Variants in ACD observed in about 807,000 individuals in gnomAD.
ACD encodes the protein ACD shelterin complex subunit and telomerase recruitment factor.
ACD carries 39 observed loss-of-function variants against 53.9 expected under a neutral mutation model. That is an observed-to-expected ratio of 0.72 (90% CI 0.56 to 0.95). The LOEUF (loss-of-function observed/expected upper bound fraction) is 0.95, where lower values mean the gene tolerates loss of function less well. ACD is among the 40% of genes least tolerant of loss of function. The pLI, the probability that ACD is intolerant of heterozygous loss-of-function variation, is 0.00. For missense variants in ACD, 526 were observed against 587.9 expected, an observed-to-expected ratio of 0.89 and a Z score of 1.09; for synonymous variants, 273 against 249.2, an observed-to-expected ratio of 1.10 and a Z score of -0.90.
Position 67,660,214 on chromosome 16 carries a change from C to G in ACD, c.7G>C (p.Gly3Arg), listed in dbSNP as rs1173301703. Reference sequence around the variant, plus strand: ...GGCCGTAGGACCAGCCTCCCCGAACCTGCCATCCCCACGGCTACACCCAGC... The same window carrying G: ...GGCCGTAGGACCAGCCTCCCCGAACGTGCCATCCCCACGGCTACACCCAGC... MA[G>R]SGRLVLRPWI... Residue 3 changes from glycine to arginine, a missense_variant, in exon 1 of 12, where the codon GGT becomes CGT. By Grantham distance (125) the Gly-to-Arg change is moderately radical. Coordinates refer to ENST00000620761, the MANE Select transcript of ACD (RefSeq NM_001082486.2). 1 of 1,612,614 alleles carries G rather than the reference C, an allele frequency of 6.2e-7. No individual in the cohort carries two copies. Among genetic ancestry groups the G allele is most frequent in the Non-Finnish European group, 8.5e-7 (1 of 1,179,924 alleles).
At position 67,657,818 on chromosome 16, in the gene ACD, G is replaced by A; in HGVS notation, c.1242C>T (p.Phe414=). 1 of 1,614,108 alleles carries A rather than the reference G, an allele frequency of 6.2e-7. No homozygotes were observed. The highest frequency in any genetic ancestry group is 1.3e-5 in the African/African-American group (1 of 75,040). The change falls in exon 11 of 12, where the codon TTC becomes TTT. Residue 414 remains phenylalanine (F), a synonymous_variant. Transcript: ENST00000620761. The surrounding 1 kb of genome is among the most constrained non-coding windows in gnomAD (Gnocchi z 4.5). Reference sequence around the variant, plus strand: ...TGCAGGGTGGCTCATACTCATACTGGAAGGCAGAACCATCACGATGCCTCT... The same window carrying A: ...TGCAGGGTGGCTCATACTCATACTGAAAGGCAGAACCATCACGATGCCTCT... ...PPKRHRDGSA[F]QYEYEPPCTS...
At chr16:67,659,185 T>G in intron 6 of ACD, 44 bp downstream of exon 6, 1 of 1,613,508 alleles carries the variant, frequency 6.2e-7, no homozygotes, top group Non-Finnish European at 8.5e-7. Context: ...GCTGGAGAGA[T>G]CACTGCACAG....
rs775602659 is a variant in ACD at position 67,659,600 on chromosome 16, T to A, written c.350A>T (p.Tyr117Phe). The A allele has an allele frequency of 5.0e-6, 8 of 1,613,346 alleles. No individual in the cohort carries two copies. Among genetic ancestry groups the A allele is most frequent in the Non-Finnish European group, 6.8e-6 (8 of 1,179,950 alleles). ...VAEGGAPAEFYLQVDRFSLLP... is the reference protein window; with the variant it reads ...VAEGGAPAEFFLQVDRFSLLP... Reference sequence around the variant, plus strand: ...CAGGCTGAAGCGGTCCACCTGGAGATAGAACTCTGCGGGCTGGAGGAGTTC... The same window carrying A: ...CAGGCTGAAGCGGTCCACCTGGAGAAAGAACTCTGCGGGCTGGAGGAGTTC... The change falls in exon 4 of 12, where the codon TAT becomes TTT. Residue 117 changes from tyrosine to phenylalanine, a missense_variant. Coordinates refer to ENST00000620761, the MANE Select transcript of ACD (RefSeq NM_001082486.2).
Position 67,659,096 on chromosome 16 carries a change from A to T in ACD, c.494-17T>A. 6.2e-7 allele frequency: 1 copy of T among 1,613,166 alleles called. No homozygotes were observed. Among genetic ancestry groups the T allele is most frequent in the Non-Finnish European group, 8.5e-7 (1 of 1,179,366 alleles). ...GTGATAGGCCTGGGGACAGGGGACC[A>T]TGGGATGAGTCAAGGCTTAAAGGGG... On this transcript the variant is annotated splice_polypyrimidine_tract_variant and intron_variant, in intron 6 of 11. Transcript: ENST00000620761.
At position 67,658,610 on chromosome 16, in the gene ACD, C is replaced by T. The variant is rs1401652244; in HGVS notation, c.774G>A (p.Leu258=). 1.3e-6 allele frequency: 2 copies of T among 1,576,356 alleles called. No individual in the cohort carries two copies. Among genetic ancestry groups the T allele is most frequent in the Non-Finnish European group, 1.7e-6 (2 of 1,160,024 alleles). Reference sequence around the variant, plus strand: ...CTATGAGGGTCAGAGATAGGTCCTGCAGAGCCGGGTCTGGTGGGGGCAGCT... The same window carrying T: ...CTATGAGGGTCAGAGATAGGTCCTGTAGAGCCGGGTCTGGTGGGGGCAGCT... ...GPELPPPDPA[L]QDLSLTLIAS... Residue 258 remains leucine, a synonymous_variant, in exon 9 of 12, where the codon CTG becomes CTA. Coordinates refer to ENST00000620761, the MANE Select transcript of ACD (RefSeq NM_001082486.2).
Position 67,659,808 on chromosome 16 carries a change from G to C in ACD, c.243-13C>G. The C allele has an allele frequency of 6.2e-7, 1 of 1,600,002 alleles. No homozygotes were observed. The highest frequency in any genetic ancestry group is 1.7e-5 in the Admixed American group (1 of 59,632). On this transcript the variant is annotated splice_polypyrimidine_tract_variant and intron_variant, in intron 2 of 11. Coordinates refer to ENST00000620761, the MANE Select transcript of ACD (RefSeq NM_001082486.2). ...CTCCTTCTCCTCCCTGCAACAAGCA[G>C]GATCCTCACTGCCGGGCCCACCTGA...
rs375973362 is a variant in ACD at position 67,659,280 on chromosome 16, G to T, written c.459-17C>A. 1 of 1,614,138 alleles carries T rather than the reference G, an allele frequency of 6.2e-7. No homozygotes were observed. The highest frequency in any genetic ancestry group is 8.5e-7 in the Non-Finnish European group (1 of 1,180,014). ...AGGTGCTCCCTACAGGAAGAGAGTG[G>T]CCAGGACTCAGGAACCATGCTGAGG... is the stretch of plus-strand genomic sequence containing the variant. On this transcript the variant is annotated splice_polypyrimidine_tract_variant and intron_variant, in intron 5 of 11. Transcript: ENST00000620761.
At chr16:67,659,320 T>C in intron 5 of ACD, 55 bp downstream of exon 5, 1 of 1,614,052 alleles carries the variant, frequency 6.2e-7, no homozygotes, top group Non-Finnish European at 8.5e-7. Context: ...TCTACCTAGA[T>C]ACACCATCCC....
Position 67,658,307 on chromosome 16 carries a change from G to T in ACD, c.885C>A (p.Ser295Arg). 1 of 1,613,882 alleles carries T rather than the reference G, an allele frequency of 6.2e-7. No individual in the cohort carries two copies. Among genetic ancestry groups the T allele is most frequent in the Non-Finnish European group, 8.5e-7 (1 of 1,180,022 alleles). ...CAGCCAAGGACAGGGCAGGCAGAAGGCTGATGCTGGTACCACTTTCCTCGG... is the reference window on the plus strand; with the variant it reads ...CAGCCAAGGACAGGGCAGGCAGAAGTCTGATGCTGGTACCACTTTCCTCGG... ...MSSEESGTSISLLPALSLAAP... is the reference protein window; with the variant it reads ...MSSEESGTSIRLLPALSLAAP... The change falls in exon 10 of 12, where the codon AGC (serine) becomes AGA (arginine). Residue 295 changes from serine to arginine, a missense_variant. Coordinates refer to ENST00000620761, the MANE Select transcript of ACD (RefSeq NM_001082486.2).
rs59443695 is a variant in ACD, at chr16:67,659,099, G to A, written c.494-20C>T. On this transcript the variant is annotated intron_variant, in intron 6 of 11. Coordinates refer to ENST00000620761, the MANE Select transcript of ACD (RefSeq NM_001082486.2). The stretch of plus-strand genomic sequence containing the variant: ...ATAGGCCTGGGGACAGGGGACCATG[G>A]GATGAGTCAAGGCTTAAAGGGGAGG... 6,375 of 1,612,986 alleles carry A rather than the reference G, an allele frequency of 4.0e-3. 242 individuals carry two copies. The Admixed American group carries it at 0.069, about 18-fold the overall frequency.
Position 67,658,021 on chromosome 16 carries a change from C to G in ACD, c.1171G>C (p.Ala391Pro), listed in dbSNP as rs1441134706. The change falls in exon 10 of 12, where the codon GCT becomes CCT. Residue 391 changes from alanine to proline, a missense_variant. By Grantham distance (27) the Ala-to-Pro change is conservative (BLOSUM62 -1). Transcript: ENST00000620761. Reference sequence around the variant, plus strand: ...CAGGGCTCCTGGGCTCCCCTGGTAGCTCCGGTCCTGGGAAAAGGCGGCCGA... The same window carrying G: ...CAGGGCTCCTGGGCTCCCCTGGTAGGTCCGGTCCTGGGAAAAGGCGGCCGA... ...KNRPPFPRTG[A>P]TRGAQEPCSV... 1 of 1,548,940 alleles carries G rather than the reference C, an allele frequency of 6.5e-7. No individual in the cohort carries two copies. Among genetic ancestry groups the G allele is most frequent in the Non-Finnish European group, 8.7e-7 (1 of 1,148,580 alleles).
In ACD at chr16:67,659,060, A is replaced by G; in HGVS notation, c.513T>C (p.Leu171=). The stretch of plus-strand genomic sequence containing the variant: ...CCTGGTCCTCCCGCATTTCATCCAG[A>G]AGCTGGGACAGTGATAGGCCTGGGG... The part of the protein sequence containing the change: ...SSNAGLSLSQ[L]LDEMREDQEH... The change falls in exon 7 of 12, where the codon CTT becomes CTC. Residue 171 remains leucine (L), a synonymous_variant. Transcript: ENST00000620761. The G allele has an allele frequency of 1.2e-6, 2 of 1,613,900 alleles. No homozygotes were observed. The highest frequency in any genetic ancestry group is 2.2e-5 in the South Asian group (2 of 91,088).
At chr16:67,658,383 T>G (rs2052919291) in intron 9 of ACD, 21 bp from the exon 10 acceptor site, 2 of 1,613,066 alleles carry the variant, frequency 1.2e-6, no homozygotes, top group African/African-American at 1.3e-5. Flanking sequence ...GGGGACTTAT[T>G]GTAGGCACAG....
Position 67,657,632 on chromosome 16 carries a change from G to T in ACD, c.1351C>A (p.Pro451Thr). The change falls in exon 12 of 12, where the codon CCA becomes ACA. Residue 451 changes from proline to threonine, a missense_variant. Transcript: ENST00000620761. This position sits in a 1 kb window ranked among gnomAD's most constrained non-coding sequence, Gnocchi z 4.5. The part of the protein sequence containing the change: ...WALHFLMDAQ[P>T]GSEPTPM ...CACATCGGAGTTGGCTCAGACCCTG[G>T]CTGTGCATCCATCAGAAAGTGCAAG... 1 of 1,614,186 alleles carries T rather than the reference G, an allele frequency of 6.2e-7. No homozygotes were observed. Among genetic ancestry groups the T allele is most frequent in the Non-Finnish European group, 8.5e-7 (1 of 1,180,048 alleles).
rs765992071 is a variant in ACD, at chr16:67,659,627, G to C, written c.337-14C>G. 3 of 1,613,048 alleles carry C rather than the reference G, an allele frequency of 1.9e-6. No individual in the cohort carries two copies. Among genetic ancestry groups the C allele is most frequent in the Non-Finnish European group, 2.5e-6 (3 of 1,179,976 alleles). On this transcript the variant is annotated splice_polypyrimidine_tract_variant and intron_variant, in intron 3 of 11. Transcript: ENST00000620761. ...GAACTCTGCGGGCTGGAGGAGTTCG[G>C]GGGGAAGGGGGGGTCTCAGAATCGT... is the stretch of plus-strand genomic sequence containing the variant.
Position 67,658,207 on chromosome 16 carries a change from T to TG in ACD, c.984dup (p.Arg329GlnfsTer24). ...GGGGTACGGCTGGCGTGTGGGGACC[T>TG]GGGGGTCAGGGTGGCAGGGGCTGAG... On this transcript the variant is annotated frameshift_variant, in exon 10 of 12. Transcript: ENST00000620761. LOFTEE classifies it high-confidence loss of function. 6.2e-7 allele frequency: 1 copy of TG among 1,612,752 alleles called. No individual in the cohort carries two copies. Among genetic ancestry groups the TG allele is most frequent in the South Asian group, 1.1e-5 (1 of 91,008 alleles).
In ACD at chr16:67,660,038, T is replaced by A. The variant is rs146699133; in HGVS notation, c.107A>T (p.Gln36Leu). 1.2e-6 allele frequency: 2 copies of A among 1,607,848 alleles called. No individual in the cohort carries two copies. Among genetic ancestry groups the A allele is most frequent in the African/African-American group, 1.3e-5 (1 of 74,836 alleles). Reference protein sequence around the residue: ...PRAGQLLEVLQDAEAAVAGPS... With the variant: ...PRAGQLLEVLLDAEAAVAGPS... ...GCCCGCGACCGCGGCCTCGGCGTCCTGTAGTACCTGACGGCGGCGAGCGGC... is the reference window on the plus strand; with the variant it reads ...GCCCGCGACCGCGGCCTCGGCGTCCAGTAGTACCTGACGGCGGCGAGCGGC... The change falls in exon 2 of 12, where the codon CAG becomes CTG. Residue 36 changes from glutamine (Q) to leucine (L), a missense_variant. Gln to Leu is a moderately radical substitution (Grantham distance 113, BLOSUM62 -2). Transcript: ENST00000620761.
Position 67,658,175 on chromosome 16 carries a change from G to A in ACD, c.1017C>T (p.Ser339=), listed in dbSNP as rs769298187. ...RSPHASRTPS[S]PLQSCTPSLS... is the part of the protein sequence containing the mutation. ...GACTGGGAGTGCAGCTCTGGAGTGG[G>A]GAGCTGGGGGTACGGCTGGCGTGTG... is the stretch of plus-strand genomic sequence containing the variant. The change falls in exon 10 of 12, where the codon TCC becomes TCT. Residue 339 remains serine (S), a synonymous_variant. Coordinates refer to ENST00000620761, the MANE Select transcript of ACD (RefSeq NM_001082486.2). 4.3e-5 allele frequency: 70 copies of A among 1,610,588 alleles called. No homozygotes were observed. The highest frequency in any genetic ancestry group is 5.8e-5 in the Non-Finnish European group (68 of 1,178,094).
rs1400523803 is a variant in ACD, at chr16:67,658,986, T to A, written c.587A>T (p.Glu196Val). The A allele has an allele frequency of 7.4e-6, 12 of 1,613,752 alleles. No homozygotes were observed. The highest frequency in any genetic ancestry group is 8.5e-6 in the Non-Finnish European group (10 of 1,180,026). The change falls in exon 7 of 12, where the codon GAG (glutamate) becomes GTG (valine). Residue 196 changes from glutamate to valine, a missense_variant. Transcript: ENST00000620761. ...GACAGGGGGTGCTGTGCAAGGGCCCTCCAGTGTCAGGCAGCTTTCAGCCAG... is the reference window on the plus strand; with the variant it reads ...GACAGGGGGTGCTGTGCAAGGGCCCACCAGTGTCAGGCAGCTTTCAGCCAG... ...VCLAESCLTL[E>V]GPCTAPPVTH...
Sources: allele counts gnomAD v4.1 joint callset, GRCh38; gene constraint gnomAD v4.1.1; non-coding constraint Gnocchi (gnomAD v3.1); transcripts MANE v1.5; gene names NCBI Gene and HGNC (gene_info 2026-07-23, HGNC 2026-07-21).